CNTNAP5: variants seen among roughly 807,000 people sequenced by gnomAD.
CNTNAP5 encodes contactin-associated protein-like 5.
CNTNAP5 carries 72 observed loss-of-function variants against 150.2 expected under a neutral mutation model. That is an observed-to-expected ratio of 0.48 (90% CI 0.40 to 0.58). The LOEUF is 0.58. CNTNAP5 is among the 20% of genes least tolerant of loss of function. The probability of loss-of-function intolerance (pLI) is 0.00; values close to 1 mark genes in which losing one functional copy is unlikely to be tolerated. For synonymous variants in CNTNAP5, 672 were observed against 619.8 expected (o/e 1.08, Z -1.25); for missense variants, 1,636 against 1,626.2 (o/e 1.01, Z -0.10).
chr2:124,171,162 G>T (rs954336607), intron 1 of CNTNAP5, among the ~76,000 whole-genome samples: 4 of 152,128 alleles, frequency 2.6e-5, no homozygotes, highest in African/African-American at 9.7e-5. Flanking sequence ...ATAAAATGTT[G>T]GCTTTCATCG....
At chr2:124,620,060 A>G (rs1488904308) in intron 12 of CNTNAP5, among the ~76,000 whole-genome samples, 1 of 151,398 alleles carries the variant, frequency 6.6e-6, no homozygotes, top group Admixed American at 6.6e-5. Flanking sequence ...TCATGACATT[A>G]ATCACACTGC....
At chr2:124,664,733 C>T (rs1381615790) in intron 13 of CNTNAP5, among the ~76,000 whole-genome samples, 1 of 152,244 alleles carries the variant, frequency 6.6e-6, no homozygotes, top group Admixed American at 6.5e-5. Context: ...ATCACCCAGG[C>T]TGGAGGACAA....
At position 124,628,786 on chromosome 2, in the gene CNTNAP5, C is replaced by G. The variant is rs77210396; in HGVS notation, c.1876+18866C>G. The stretch of plus-strand genomic sequence containing the variant: ...AGAATGGAAACCTGGGTACTAAGAC[C>G]AGACCCATCAGTGTGCCATATTAAA... On this transcript the variant is annotated intron_variant, in intron 12 of 23. Transcript: ENST00000682447. 5.1e-3 allele frequency among the ~76,000 whole-genome samples: 770 copies of G among 152,146 alleles called. 10 individuals carry two copies. The highest frequency in any genetic ancestry group is 0.017 in the African/African-American group (712 of 41,512).
At chr2:124,445,287 G>A (rs1372248041) in intron 5 of CNTNAP5, among the ~76,000 whole-genome samples, 1 of 151,612 alleles carries the variant, frequency 6.6e-6, no homozygotes, top group South Asian at 2.1e-4. Context: ...TAGTAGAGAT[G>A]GGGTTTCACC....
At chr2:124,361,712 A>G (rs973681419) in intron 3 of CNTNAP5, among the ~76,000 whole-genome samples, 3 of 150,300 alleles carry the variant, frequency 2.0e-5, no homozygotes, top group African/African-American at 7.4e-5. Context: ...CTCTCTTCAA[A>G]GCTGTCAGAC....
intron 10 of CNTNAP5, among the ~76,000 whole-genome samples, chr2:124,547,077 C>G (rs145720497): frequency 6.6e-6 from 1 of 152,120 alleles, no homozygotes; most frequent in African/African-American, 2.4e-5. Flanking sequence ...CTACCTCCCC[C>G]ACCCCCGACC....
intron 13 of CNTNAP5, among the ~76,000 whole-genome samples, chr2:124,743,408 G>A (rs1680539002): frequency 6.6e-6 from 1 of 152,130 alleles, no homozygotes; most frequent in Non-Finnish European, 1.5e-5. Context: ...ACCCAAGTAT[G>A]CAACTTGTGC....
At chr2:124,521,716 G>T (rs1282298445) in intron 8 of CNTNAP5, among the ~76,000 whole-genome samples, 1 of 152,162 alleles carries the variant, frequency 6.6e-6, no homozygotes. Context: ...CCAGTCTAGA[G>T]TTTACCTGCA....
chr2:124,227,234 T>C (rs556772346), intron 2 of CNTNAP5, among the ~76,000 whole-genome samples: 2 of 152,246 alleles, frequency 1.3e-5, no homozygotes, highest in East Asian at 3.9e-4. Flanking sequence ...CACTTCAACT[T>C]CCAGCATGTT....
chr2:124,628,796 A>T (rs4848951), intron 12 of CNTNAP5, among the ~76,000 whole-genome samples: 63,288 of 152,058 alleles, frequency 0.42, 15,467 homozygotes, highest in Non-Finnish European at 0.56. Flanking sequence ...CAGACCCATC[A>T]GTGTGCCATA....
chr2:124,577,074 T>C (rs528918518), intron 11 of CNTNAP5, among the ~76,000 whole-genome samples: 1 of 152,354 alleles, frequency 6.6e-6, no homozygotes, highest in South Asian at 2.1e-4. Context: ...CTCCAGTAGC[T>C]ATAAGATTTA....
chr2:124,905,704 G>C (rs114053437), intron 22 of CNTNAP5, among the ~76,000 whole-genome samples: 86 of 152,266 alleles, frequency 5.6e-4, no homozygotes, highest in African/African-American at 1.9e-3. Context: ...GCTAGGGTTG[G>C]TCAGGAGGGA....
chr2:124,782,120 C>T (rs908129499), intron 17 of CNTNAP5, among the ~76,000 whole-genome samples: 4 of 151,534 alleles, frequency 2.6e-5, no homozygotes, highest in African/African-American at 7.3e-5. Flanking sequence ...TTCCCCTTTC[C>T]GTCAGAGCAT....
chr2:124,422,346 T>C (rs759855349), intron 4 of CNTNAP5, among the ~76,000 whole-genome samples: 2 of 152,196 alleles, frequency 1.3e-5, no homozygotes, highest in Non-Finnish European at 2.9e-5. Flanking sequence ...CACTAATTTA[T>C]TCATTCAGTA....
intron 21 of CNTNAP5, among the ~76,000 whole-genome samples, chr2:124,893,263 G>C (rs192506360): frequency 6.6e-6 from 1 of 152,048 alleles, no homozygotes. Flanking sequence ...AATGGGCAGA[G>C]TAACACAGAA....
At chr2:124,557,009 C>T (rs1422861748) in intron 10 of CNTNAP5, among the ~76,000 whole-genome samples, 1 of 150,828 alleles carries the variant, frequency 6.6e-6, no homozygotes, top group African/African-American at 2.4e-5. Context: ...GCCTTCCCCC[C>T]CGCTCAAAAA....
chr2:124,444,316 C>T (rs748584363), intron 5 of CNTNAP5, among the ~76,000 whole-genome samples: 12 of 152,196 alleles, frequency 7.9e-5, no homozygotes, highest in African/African-American at 2.2e-4. Context: ...ATCTGCTGGC[C>T]GGGCGCAGTG....
intron 12 of CNTNAP5, among the ~76,000 whole-genome samples, chr2:124,630,800 G>A (rs1677836872): frequency 6.6e-6 from 1 of 152,082 alleles, no homozygotes; most frequent in African/African-American, 2.4e-5. Context: ...TGTTTTAGAT[G>A]ACATAATCCT....
At chr2:124,205,765 C>G (rs1685847899) in intron 1 of CNTNAP5, among the ~76,000 whole-genome samples, 1 of 152,210 alleles carries the variant, frequency 6.6e-6, no homozygotes, top group African/African-American at 2.4e-5. Context: ...TGAGAATGGA[C>G]TAATACAGAG....
Sources: allele counts gnomAD v4.1 joint callset (sites outside exome capture counted in the v4.1 genomes callset), GRCh38; gene constraint gnomAD v4.1.1; transcripts MANE v1.5; gene names NCBI Gene and HGNC (gene_info 2026-07-23, HGNC 2026-07-21).